ACVR1C: variants seen among roughly 807,000 people sequenced by gnomAD.
The protein encoded by ACVR1C is activin receptor type-1C.
ACVR1C carries 23 observed loss-of-function variants against 57.9 expected under a neutral mutation model. That is an observed-to-expected ratio of 0.40 (90% CI 0.29 to 0.56). ACVR1C has a LOEUF of 0.56. Ranked by LOEUF, ACVR1C falls within the 20% of genes least tolerant of loss-of-function variation. The pLI is 0.50. For missense variants in ACVR1C, 480 were observed against 607.9 expected (o/e 0.79, Z 2.21); for synonymous variants, 214 against 215.3 (o/e 0.99, Z 0.05).
chr2:157,548,770 C>A (rs1205039103), intron 4 of ACVR1C, among the ~76,000 whole-genome samples: 1 of 152,146 alleles, frequency 6.6e-6, no homozygotes. Context: ...CCATGAAACT[C>A]AAAAAATAAC....
At chr2:157,544,784 G>C (rs2105210292) in intron 4 of ACVR1C, among the ~76,000 whole-genome samples, 172 bp from the exon 5 acceptor site, 1 of 152,272 alleles carries the variant, frequency 6.6e-6, no homozygotes, top group South Asian at 2.1e-4. Context: ...AATTCCTGAA[G>C]ATATTGATAT....
At chr2:157,591,929 C>T (rs1689061073) in intron 1 of ACVR1C, among the ~76,000 whole-genome samples, 1 of 152,030 alleles carries the variant, frequency 6.6e-6, no homozygotes, top group Admixed American at 6.6e-5. Context: ...CCTTTCATGA[C>T]TAAGGTGCCA....
chr2:157,566,313 T>C (rs1326962477), intron 2 of ACVR1C, among the ~76,000 whole-genome samples: 1 of 152,240 alleles, frequency 6.6e-6, no homozygotes, highest in Non-Finnish European at 1.5e-5. Context: ...GGGCAAGTTA[T>C]ACTTCTCTGT....
intron 1 of ACVR1C, among the ~76,000 whole-genome samples, chr2:157,596,543 T>A (rs1043720826): frequency 6.6e-6 from 1 of 152,220 alleles, no homozygotes; most frequent in Non-Finnish European, 1.5e-5. Context: ...AGACATAAAC[T>A]GTGTCTATCA....
At chr2:157,598,961 A>T (rs1682206173) in intron 1 of ACVR1C, among the ~76,000 whole-genome samples, 2 of 152,108 alleles carry the variant, frequency 1.3e-5, no homozygotes, top group Admixed American at 1.3e-4. Flanking sequence ...CATACTCCAC[A>T]TGGAAATGTT....
intron 1 of ACVR1C, among the ~76,000 whole-genome samples, chr2:157,588,122 T>C (rs922898842): frequency 6.6e-5 from 10 of 151,864 alleles, no homozygotes; most frequent in African/African-American, 2.4e-4. Flanking sequence ...GTCCATAAAG[T>C]AAGGCAAATC....
At chr2:157,543,201 C>T (rs1426077565) in intron 5 of ACVR1C, among the ~76,000 whole-genome samples, 2 of 152,172 alleles carry the variant, frequency 1.3e-5, no homozygotes, top group Non-Finnish European at 2.9e-5. Context: ...TATTGTTTTA[C>T]AAAATAAGTC....
chr2:157,627,381 G>C (rs1263781273), intron 1 of ACVR1C, among the ~76,000 whole-genome samples: 1 of 152,036 alleles, frequency 6.6e-6, no homozygotes, highest in Admixed American at 6.6e-5. Context: ...ACAGTCTTGG[G>C]CTGTTTTCCT....
intron 1 of ACVR1C, among the ~76,000 whole-genome samples, chr2:157,605,199 T>TATATATATATGTCATATATATATGTC (rs1682365158): frequency 1.3e-5 from 2 of 151,784 alleles, no homozygotes; most frequent in Non-Finnish European, 3.0e-5. Flanking sequence ...AATTGACATA[T>TATATATATATGTCATATATATATGTC]ATATATATAT....
At chr2:157,535,841 C>T (rs538197432) in intron 8 of ACVR1C, among the ~76,000 whole-genome samples, 6 of 152,226 alleles carry the variant, frequency 3.9e-5, no homozygotes, top group African/African-American at 7.2e-5. Flanking sequence ...CAGGAGAGCA[C>T]GAATTCTGCC....
At chr2:157,537,742 T>C (rs906047261) in intron 8 of ACVR1C, among the ~76,000 whole-genome samples, 2 of 152,306 alleles carry the variant, frequency 1.3e-5, no homozygotes, top group Non-Finnish European at 2.9e-5. Flanking sequence ...AGTATCAGAA[T>C]GGTTCTGGAA....
At chr2:157,605,418 C>T (rs986098483) in intron 1 of ACVR1C, among the ~76,000 whole-genome samples, 26 of 151,678 alleles carry the variant, frequency 1.7e-4, no homozygotes, top group African/African-American at 4.1e-4. Flanking sequence ...GTGAATTCTA[C>T]GTAAATTCCT....
intron 3 of ACVR1C, among the ~76,000 whole-genome samples, chr2:157,553,327 G>A (rs1029253652): frequency 2.0e-5 from 3 of 151,988 alleles, no homozygotes; most frequent in African/African-American, 4.8e-5. Context: ...CTGGCTTTGG[G>A]GGAAAAATGC....
intron 1 of ACVR1C, among the ~76,000 whole-genome samples, chr2:157,589,278 C>A (rs1039719258): frequency 1.4e-4 from 21 of 151,778 alleles, no homozygotes; most frequent in African/African-American, 4.8e-4. Flanking sequence ...CATTTCCCTG[C>A]TGATTAGTGA....
rs562233704 is a variant in ACVR1C at position 157,533,885 on chromosome 2, A to T, written c.*33T>A. On this transcript the variant is annotated 3_prime_UTR_variant, in exon 9 of 9. Coordinates refer to ENST00000243349, the MANE Select transcript of ACVR1C (RefSeq NM_145259.3). ...AAAGGGGAAAATGGAAAAGAAAGCT[A>T]TGAGAGATTTCTTTTTAACATAATT... 9.3e-6 allele frequency: 14 copies of T among 1,511,278 alleles called. No individual in the cohort carries two copies. In the Admixed American group the frequency reaches 3.1e-4, roughly 34 times the overall value. 93.6% of individuals were successfully genotyped at this position (1,511,278 alleles called of 1,614,324 possible). A position where few individuals can be genotyped will look rare whatever the true frequency, so the allele number is the denominator to read the frequency against.
Position 157,536,191 on chromosome 2 carries a change from T to C in ACVR1C, c.1357-2148A>G, listed in dbSNP as rs993164489. Among the ~76,000 whole-genome samples the C allele has an allele frequency of 1.5e-4, 23 of 152,242 alleles. No individual in the cohort carries two copies. The East Asian group carries it at 4.4e-3, about 29-fold the overall frequency. On this transcript the variant is annotated intron_variant, in intron 8 of 8. Transcript: ENST00000243349. Reference sequence around the variant, plus strand: ...GCAAAGTGTAATGAAAGCTCTAACATGCATCTAATGAGTTCTCCAAAACTG... The same window carrying C: ...GCAAAGTGTAATGAAAGCTCTAACACGCATCTAATGAGTTCTCCAAAACTG...
chr2:157,570,383 G>C (rs1345804678), intron 2 of ACVR1C, among the ~76,000 whole-genome samples: 2 of 58,340 alleles, frequency 3.4e-5, no homozygotes, highest in Admixed American at 3.7e-4. Context: ...GCAGGAGAAG[G>C]AAATAAAGGG....
Position 157,529,803 on chromosome 2 carries a change from T to C in ACVR1C, c.*4115A>G, listed in dbSNP as rs1687315447. On this transcript the variant is annotated 3_prime_UTR_variant, in exon 9 of 9. Coordinates refer to ENST00000243349, the MANE Select transcript of ACVR1C (RefSeq NM_145259.3). ...TAATGAAATATAAAGCAAGGCTAGA[T>C]GAAAAAAAGAAAGTCAAATATCTAT... is the stretch of plus-strand genomic sequence containing the variant. The C allele has an allele frequency of 6.6e-6, 1 of 151,942 alleles. No individual in the cohort carries two copies. The highest frequency in any genetic ancestry group is 6.6e-5 in the Admixed American group (1 of 15,234). The allele number at this position is 151,942 out of a possible 1,614,324, so 9.4% of individuals were successfully genotyped here.
At chr2:157,616,302 A>G (rs1352952695) in intron 1 of ACVR1C, among the ~76,000 whole-genome samples, 1 of 152,168 alleles carries the variant, frequency 6.6e-6, no homozygotes, top group Non-Finnish European at 1.5e-5. Flanking sequence ...CTAGTGATAC[A>G]TCTTCAAATT....
Sources: gnomAD v4.1 joint callset for allele counts (sites outside exome capture counted in the v4.1 genomes callset) on GRCh38, gnomAD v4.1.1 for gene constraint, MANE v1.5 for transcripts, NCBI Gene and HGNC (gene_info 2026-07-23, HGNC 2026-07-21) for gene names.